Variants in PCDHGB1 observed in about 807,000 individuals in gnomAD.
PCDHGB1 encodes protocadherin gamma subfamily B, 1.
PCDHGB1 carries 34 observed loss-of-function variants against 56.6 expected under a neutral mutation model. The observed-to-expected ratio is 0.60, with a 90% CI of 0.46 to 0.80. The LOEUF is 0.80. Among genes scored for constraint, PCDHGB1 ranks in the 30% least tolerant of loss-of-function variants. PCDHGB1 has a pLI of 0.00. For missense variants in PCDHGB1, 1,278 were observed against 1,204.6 expected, an observed-to-expected ratio of 1.06 and a Z score of -0.90; for synonymous variants, 561 against 505.9, an observed-to-expected ratio of 1.11 and a Z score of -1.46.
intron 1 of PCDHGB1, chr5:141,361,069 G>T (rs747875757): frequency 2.5e-6 from 4 of 1,613,910 alleles, no homozygotes; most frequent in Non-Finnish European, 3.4e-6. Context: ...TTTTGAGATT[G>T]CAAGTAGTTA....
chr5:141,466,450 G>A lies in PCDHGB1; in HGVS notation c.2410-28357G>A, dbSNP rs139024933. Reference sequence around the variant, plus strand: ...TAAGCTGAACCGAGATGTCTATGGTGTTGGCTATTGTTTCTGCTGTTAATT... The same window carrying A: ...TAAGCTGAACCGAGATGTCTATGGTATTGGCTATTGTTTCTGCTGTTAATT... On this transcript the variant is annotated intron_variant, in intron 1 of 3. Coordinates refer to ENST00000523390, the MANE Select transcript of PCDHGB1 (RefSeq NM_018922.3). Among the ~76,000 whole-genome samples, 714 of 152,290 alleles carry A rather than the reference G, an allele frequency of 4.7e-3. 2 individuals are homozygous for A. Among genetic ancestry groups the A allele is most frequent in the Non-Finnish European group, 7.0e-3 (479 of 68,028 alleles).
intron 1 of PCDHGB1, chr5:141,393,184 T>C: frequency 6.2e-7 from 1 of 1,613,344 alleles, no homozygotes; most frequent in Non-Finnish European, 8.5e-7. Context: ...ATAGAAATAA[T>C]TGATATTAAC....
chr5:141,359,686 A>G (rs1375097963), intron 1 of PCDHGB1, among the ~76,000 whole-genome samples: 1 of 152,128 alleles, frequency 6.6e-6, no homozygotes, highest in East Asian at 1.9e-4. Context: ...TATACAAGAC[A>G]TATCTCCGGA....
In PCDHGB1 at chr5:141,498,877, G is replaced by A. The variant is rs886444261; in HGVS notation, c.2468+4012G>A. ...GAACCCAGGAGGCGGAGGTTGCAGTGAGCTGAGATCACACCACTGCACTCC... is the reference window on the plus strand; with the variant it reads ...GAACCCAGGAGGCGGAGGTTGCAGTAAGCTGAGATCACACCACTGCACTCC... On this transcript the variant is annotated intron_variant, in intron 2 of 3. Coordinates refer to ENST00000523390, the MANE Select transcript of PCDHGB1 (RefSeq NM_018922.3). Among the ~76,000 whole-genome samples, 8 of 149,816 alleles carry A rather than the reference G, an allele frequency of 5.3e-5. No individual in the cohort carries two copies. In the East Asian group the frequency reaches 1.4e-3, roughly 26 times the overall value.
At chr5:141,492,505 C>A (rs1009723421) in intron 1 of PCDHGB1, among the ~76,000 whole-genome samples, 1 of 152,212 alleles carries the variant, frequency 6.6e-6, no homozygotes, top group Admixed American at 6.5e-5. Context: ...GACTCCGGAG[C>A]CTCCTCTCAC....
chr5:141,350,387 T>G lies in PCDHGB1; in HGVS notation c.127T>G (p.Ser43Ala). The change falls in exon 1 of 4, where the codon TCA becomes GCA. Residue 43 changes from serine (S) to alanine (A), a missense_variant. Ser to Ala is a moderately conservative substitution (Grantham distance 99). Coordinates refer to ENST00000523390, the MANE Select transcript of PCDHGB1 (RefSeq NM_018922.3). ...GATTCCAGAGGAGCTAGCCAACGGC[T>G]CACGGGTGGGGAAACTTGCCAAGGA... ...YTIPEELANG[S>A]RVGKLAKDLG... 6.3e-7 allele frequency: 1 copy of G among 1,596,080 alleles called. No homozygotes were observed.
At position 141,485,009 on chromosome 5, in the gene PCDHGB1, C is replaced by T. The variant is rs531346426; in HGVS notation, c.2410-9798C>T. The T allele has an allele frequency of 6.4e-5, 40 of 628,334 alleles. No homozygotes were observed. Among genetic ancestry groups the T allele is most frequent in the Admixed American group, 5.3e-4 (18 of 33,986 alleles). The allele number at this position is 628,334 out of a possible 1,614,324, so 38.9% of individuals were successfully genotyped here. On this transcript the variant is annotated intron_variant, in intron 1 of 3. Transcript: ENST00000523390. The surrounding 1 kb of genome is among the most constrained non-coding windows in gnomAD (Gnocchi z 5.7). Reference sequence around the variant, plus strand: ...GGTGGTGAAAGGCAGACAAATCTACCCCGCCACCAGCAAAAACGGCGCGTA... The same window carrying T: ...GGTGGTGAAAGGCAGACAAATCTACTCCGCCACCAGCAAAAACGGCGCGTA...
At chr5:141,420,453 C>A (rs1026053173) in intron 1 of PCDHGB1, 76 of 977,580 alleles carry the variant, frequency 7.8e-5, no homozygotes, top group Non-Finnish European at 8.8e-5. Context: ...AGTCTTCCTA[C>A]TATTCAAAGA....
chr5:141,404,995 T>G (rs1561697585), intron 1 of PCDHGB1: 1 of 1,614,008 alleles, frequency 6.2e-7, no homozygotes, highest in Non-Finnish European at 8.5e-7. Flanking sequence ...TTCAGATCCC[T>G]GCAGACCTGG....
intron 1 of PCDHGB1, chr5:141,393,579 C>A: frequency 6.2e-7 from 1 of 1,613,888 alleles, no homozygotes; most frequent in South Asian, 1.1e-5. Flanking sequence ...TGAGAACATG[C>A]CCCCAGGCAC....
chr5:141,352,219 C>A lies in PCDHGB1; in HGVS notation c.1959C>A (p.Thr653=). ...GAGGACAGCCGCCACTCTCCGCCACCGCCACGCTGCACCTAATCTTCGCGG... is the reference window on the plus strand; with the variant it reads ...GAGGACAGCCGCCACTCTCCGCCACAGCCACGCTGCACCTAATCTTCGCGG... The part of the protein sequence containing the change: ...RDGGQPPLSA[T]ATLHLIFADS... Residue 653 remains threonine, a synonymous_variant, in exon 1 of 4, where the codon ACC becomes ACA. Coordinates refer to ENST00000523390, the MANE Select transcript of PCDHGB1 (RefSeq NM_018922.3). The A allele has an allele frequency of 3.7e-6, 6 of 1,614,030 alleles. 1 individual carries two copies. Among genetic ancestry groups the A allele is most frequent in the South Asian group, 2.2e-5 (2 of 91,088 alleles).
chr5:141,375,038 G>A (rs1771073387), intron 1 of PCDHGB1: 1 of 1,614,038 alleles, frequency 6.2e-7, no homozygotes, highest in Non-Finnish European at 8.5e-7. Context: ...TGAGCTGGGT[G>A]TTGAAGCCCG....
chr5:141,419,386 G>A (rs2096372901), intron 1 of PCDHGB1: 1 of 1,613,650 alleles, frequency 6.2e-7, no homozygotes, highest in Non-Finnish European at 8.5e-7. Context: ...CCGTGAGCGC[G>A]CAGAGCGGGG....
chr5:141,374,528 T>C (rs759567011), intron 1 of PCDHGB1: 27 of 1,612,930 alleles, frequency 1.7e-5, no homozygotes, highest in Non-Finnish European at 2.1e-5. Context: ...CGCAGCTCCA[T>C]CCTCTCGTTT....
chr5:141,371,793 C>T (rs768654364), intron 1 of PCDHGB1: 12 of 1,613,808 alleles, frequency 7.4e-6, no homozygotes, highest in Non-Finnish European at 9.3e-6. Context: ...GAACAATCCG[C>T]CTGGAGCCTC....
intron 1 of PCDHGB1, chr5:141,362,167 C>T: frequency 6.2e-7 from 1 of 1,614,044 alleles, no homozygotes; most frequent in Non-Finnish European, 8.5e-7. Flanking sequence ...CCTCAGCGAC[C>T]GCCGGGAGCC....
intron 1 of PCDHGB1, among the ~76,000 whole-genome samples, chr5:141,492,670 C>T (rs567661944): frequency 6.6e-6 from 1 of 152,344 alleles, no homozygotes; most frequent in South Asian, 2.1e-4. Context: ...CCCGGGACTC[C>T]GTCTCAAGGG....
intron 1 of PCDHGB1, among the ~76,000 whole-genome samples, chr5:141,481,836 G>A (rs1435746995): frequency 2.7e-5 from 4 of 150,638 alleles, no homozygotes; most frequent in Non-Finnish European, 5.9e-5. Context: ...CAGGAGAATC[G>A]CTTGATGGTG....
chr5:141,375,655 G>C (rs117560542), intron 1 of PCDHGB1: 2 of 1,614,128 alleles, frequency 1.2e-6, no homozygotes, highest in African/African-American at 2.7e-5. Context: ...ACTATGAGCA[G>C]TTGAGAGACC....
Sources: gnomAD v4.1 joint callset for allele counts (sites outside exome capture counted in the v4.1 genomes callset) on GRCh38, gnomAD v4.1.1 for gene constraint, Gnocchi (gnomAD v3.1) non-coding constraint, MANE v1.5 for transcripts, NCBI Gene and HGNC (gene_info 2026-07-23, HGNC 2026-07-21) for gene names.